The following KDM6A variants were observed in gnomAD, a reference collection of about 807,000 sequenced individuals.
KDM6A encodes the protein lysine-specific demethylase 6A.
In KDM6A, 11 loss-of-function variants were observed where a neutral mutation model predicts 117.6. The ratio of observed to expected loss-of-function variants is 0.09; its 90% CI spans 0.06 to 0.15. The LOEUF is 0.15. Ranked by LOEUF, KDM6A falls within the 10% of genes least tolerant of loss-of-function variation. KDM6A has a pLI of 1.00. For synonymous variants in KDM6A, 384 were observed against 396.1 expected, an observed-to-expected ratio of 0.97 and a Z score of 0.36; for missense variants, 799 against 1,077.3, an observed-to-expected ratio of 0.74 and a Z score of 3.62.
intron 4 of KDM6A, among the ~76,000 whole-genome samples, chrX:45,004,692 C>G (rs763517732): frequency 8.4e-4 from 94 of 111,285 alleles, no homozygotes; most frequent in Non-Finnish European, 1.5e-3. Flanking sequence ...TTATTATTGT[C>G]TCTCTTAGAT....
intron 3 of KDM6A, among the ~76,000 whole-genome samples, chrX:44,967,404 A>T (rs1376542033): frequency 1.8e-5 from 2 of 111,708 alleles, no homozygotes; most frequent in East Asian, 5.6e-4. Flanking sequence ...AGAACACATT[A>T]TAAACCATAA....
At chrX:44,917,593 A>G (rs2035641033) in intron 2 of KDM6A, among the ~76,000 whole-genome samples, 1 of 112,010 alleles carries the variant, frequency 8.9e-6, no homozygotes, top group African/African-American at 3.2e-5. Flanking sequence ...TTCTGTCCAG[A>G]AGGAATAGAA....
At chrX:45,041,136 A>C (rs1401262177) in intron 8 of KDM6A, among the ~76,000 whole-genome samples, 2 of 44,938 alleles carry the variant, frequency 4.5e-5, no homozygotes, top group African/African-American at 1.3e-4. Context: ...GACCCCCACC[A>C]CCTCCCTCCC....
chrX:44,897,127 G>A (rs1303390305), intron 2 of KDM6A, among the ~76,000 whole-genome samples: 1 of 103,807 alleles, frequency 9.6e-6, no homozygotes, highest in Non-Finnish European at 2.0e-5. Context: ...ATAGGTCCCT[G>A]AGGCTTTGTT....
chrX:45,041,628 A>G (rs1466946970), intron 8 of KDM6A, among the ~76,000 whole-genome samples: 29 of 110,808 alleles, frequency 2.6e-4, no homozygotes, highest in South Asian at 7.7e-4. Context: ...GGCGGGGCAG[A>G]GGTGCTCCCC....
intron 5 of KDM6A, 28 bp downstream of exon 5, chrX:45,011,047 G>A: frequency 9.5e-7 from 1 of 1,054,088 alleles, no homozygotes. Flanking sequence ...CAGTAATTCA[G>A]TCATTTTCAG....
intron 2 of KDM6A, among the ~76,000 whole-genome samples, chrX:44,902,700 CT>C (rs754996759): frequency 8.9e-6 from 1 of 112,120 alleles, no homozygotes; most frequent in East Asian, 2.8e-4. Context: ...TTTACATTAT[CT>C]TTTATATTTA....
chrX:44,879,481 T>C lies in KDM6A; in HGVS notation c.225+5494T>C, dbSNP rs151083001. Among the ~76,000 whole-genome samples, 651 of 112,619 alleles carry C rather than the reference T, an allele frequency of 5.8e-3. 5 individuals are homozygous for C. Among genetic ancestry groups the C allele is most frequent in the African/African-American group, 0.02 (613 of 31,077 alleles). Reference sequence around the variant, plus strand: ...ATGCATAATTGACAGTCTTAAGTACTCATATTGAAACTTCACATATAATTT... The same window carrying C: ...ATGCATAATTGACAGTCTTAAGTACCCATATTGAAACTTCACATATAATTT... On this transcript the variant is annotated intron_variant, in intron 2 of 29. Coordinates refer to ENST00000611820, the MANE Select transcript of KDM6A (RefSeq NM_001291415.2).
intron 17 of KDM6A, among the ~76,000 whole-genome samples, chrX:45,066,369 G>A (rs2044535360): frequency 8.9e-6 from 1 of 111,809 alleles, no homozygotes; most frequent in African/African-American, 3.3e-5. Flanking sequence ...ACAACAACCG[G>A]GTGTAGCTGA....
chrX:45,085,148 A>G (rs1010688269), intron 24 of KDM6A, among the ~76,000 whole-genome samples: 2 of 112,190 alleles, frequency 1.8e-5, no homozygotes, highest in Non-Finnish European at 3.8e-5. Flanking sequence ...GTCATTGGAC[A>G]CTGATATAAA....
At chrX:44,913,960 A>G (rs1050157301) in intron 2 of KDM6A, among the ~76,000 whole-genome samples, 1 of 111,104 alleles carries the variant, frequency 9.0e-6, no homozygotes, top group Non-Finnish European at 1.9e-5. Flanking sequence ...CCAGTAGCCA[A>G]TTGGGTAAAG....
chrX:45,027,322 G>A (rs2042411712), intron 6 of KDM6A, among the ~76,000 whole-genome samples: 1 of 92,746 alleles, frequency 1.1e-5, no homozygotes, highest in Non-Finnish European at 2.0e-5. Flanking sequence ...ACACACACAC[G>A]CAACATAGTG....
At chrX:44,915,818 A>C (rs971930249) in intron 2 of KDM6A, among the ~76,000 whole-genome samples, 1 of 111,650 alleles carries the variant, frequency 9.0e-6, no homozygotes, top group African/African-American at 3.3e-5. Flanking sequence ...ATTTGACTTG[A>C]TAATGACCCC....
chrX:45,090,615 GA>G, intron 26 of KDM6A, 107 bp from the exon 27 acceptor site: 1 of 808,010 alleles, frequency 1.2e-6, no homozygotes, highest in Admixed American at 2.9e-5. Flanking sequence ...ATAGTGTTTT[GA>G]GGTTTTCAGA....
chrX:44,892,381 A>C (rs2033436217), intron 2 of KDM6A, among the ~76,000 whole-genome samples: 2 of 111,523 alleles, frequency 1.8e-5, no homozygotes, highest in African/African-American at 3.3e-5. Context: ...TAACAGTGGA[A>C]CCCTGTCTCT....
intron 2 of KDM6A, among the ~76,000 whole-genome samples, chrX:44,918,145 A>G (rs1469837559): frequency 9.0e-6 from 1 of 111,585 alleles, no homozygotes; most frequent in Middle Eastern, 4.2e-3. Context: ...TATTTTTTCT[A>G]CTACTAGAAA....
chrX:44,994,402 C>T (rs759679819), intron 4 of KDM6A, among the ~76,000 whole-genome samples: 3 of 111,772 alleles, frequency 2.7e-5, no homozygotes, highest in African/African-American at 9.8e-5. Flanking sequence ...AACACAAGGT[C>T]CTCCAGATTC....
rs1304307973 is a variant in KDM6A, at chrX:45,109,128, AT to A, written c.4162-950del. Reference sequence around the variant, plus strand: ...AAAACTTAAAGTATAATTTAAAAAAATAATAATAATAATAAATAAATAAATA... The same window carrying A: ...AAAACTTAAAGTATAATTTAAAAAAAAATAATAATAATAAATAAATAAATA... On this transcript the variant is annotated intron_variant, in intron 28 of 29. Transcript: ENST00000611820. 1.9e-3 allele frequency among the ~76,000 whole-genome samples: 191 copies of A among 102,111 alleles called. 4 individuals are homozygous for A. Among genetic ancestry groups the A allele is most frequent in the Middle Eastern group, 5.0e-3 (1 of 201 alleles). 88.7% of individuals were successfully genotyped at this position (102,111 alleles called of 115,157 possible).
intron 10 of KDM6A, among the ~76,000 whole-genome samples, chrX:45,057,396 C>T (rs757795046): frequency 1.8e-5 from 2 of 111,356 alleles, no homozygotes; most frequent in African/African-American, 6.5e-5. Flanking sequence ...AACATCTAAT[C>T]AATTAATCAC....
Sources: allele counts gnomAD v4.1 joint callset (sites outside exome capture counted in the v4.1 genomes callset), GRCh38; gene constraint gnomAD v4.1.1; transcripts MANE v1.5; gene names NCBI Gene and HGNC (gene_info 2026-07-23, HGNC 2026-07-21).